Variants in MRPS6 observed in about 807,000 individuals in gnomAD.
MRPS6 encodes the protein mitochondrial ribosomal protein S6, also known as small ribosomal subunit protein bS6m.
A neutral mutation model predicts 13.1 loss-of-function variants in MRPS6; 6 were observed. The observed-to-expected ratio is 0.46, with a 90% CI of 0.25 to 0.91. The LOEUF (loss-of-function observed/expected upper bound fraction) is 0.91, where lower values mean the gene tolerates loss of function less well. Among genes scored for constraint, MRPS6 ranks in the 40% least tolerant of loss-of-function variants. The probability of loss-of-function intolerance (pLI) is 0.18; values close to 1 mark genes in which losing one functional copy is unlikely to be tolerated. For synonymous variants in MRPS6, 61 were observed against 56.5 expected (o/e 1.08, Z -0.36); for missense variants, 164 against 155.6 (o/e 1.05, Z -0.29).
At chr21:34,078,370 C>T (rs1989383145) in intron 1 of MRPS6, among the ~76,000 whole-genome samples, 1 of 152,028 alleles carries the variant, frequency 6.6e-6, no homozygotes, top group African/African-American at 2.4e-5. Context: ...TGTTCCTGCC[C>T]CTGAGCTACA....
intron 1 of MRPS6, among the ~76,000 whole-genome samples, chr21:34,093,214 G>A (rs1978795712): frequency 1.3e-5 from 2 of 151,302 alleles, no homozygotes; most frequent in African/African-American, 4.9e-5. Context: ...CAGGTATGAA[G>A]TGATACAAAC....
chr21:34,120,617 T>G (rs1234691846), intron 1 of MRPS6, among the ~76,000 whole-genome samples: 1 of 152,200 alleles, frequency 6.6e-6, no homozygotes, highest in Non-Finnish European at 1.5e-5. Flanking sequence ...AGTATTATAC[T>G]ATTTCGTTAA....
intron 1 of MRPS6, chr21:34,105,668 G>C: frequency 4.0e-6 from 4 of 997,350 alleles, no homozygotes; most frequent in Non-Finnish European, 4.8e-6. Flanking sequence ...AAATGAAGTT[G>C]ATGAACATTA....
intron 1 of MRPS6, chr21:34,098,242 A>G (rs1979063468): frequency 1.0e-6 from 1 of 999,556 alleles, no homozygotes; most frequent in African/African-American, 1.7e-5. Flanking sequence ...ATATTCTGCT[A>G]ATTTTCTAGC....
intron 1 of MRPS6, chr21:34,122,999 A>G (rs756895045): frequency 2.0e-5 from 3 of 152,186 alleles, no homozygotes; most frequent in Non-Finnish European, 4.4e-5. Flanking sequence ...CTTTTTACCT[A>G]CTGTTAATGG....
chr21:34,091,906 A>G (rs1049016194), intron 1 of MRPS6, among the ~76,000 whole-genome samples: 2 of 132,138 alleles, frequency 1.5e-5, no homozygotes, highest in Non-Finnish European at 3.2e-5. Context: ...CATGCTTTTC[A>G]TAACTATACC....
At chr21:34,135,091 A>T (rs1482481773) in intron 2 of MRPS6, among the ~76,000 whole-genome samples, 1 of 151,974 alleles carries the variant, frequency 6.6e-6, no homozygotes, top group Non-Finnish European at 1.5e-5. Context: ...TTATTTTGAG[A>T]TCAATAGTGT....
intron 1 of MRPS6, among the ~76,000 whole-genome samples, chr21:34,112,816 T>G (rs781567731): frequency 2.0e-5 from 3 of 152,154 alleles, no homozygotes; most frequent in Non-Finnish European, 2.9e-5. Context: ...GTATTTGTCT[T>G]TCTTTGCCTG....
At chr21:34,105,174 A>G in intron 1 of MRPS6, 2 of 1,000,130 alleles carry the variant, frequency 2.0e-6, no homozygotes, top group Non-Finnish European at 2.4e-6. Context: ...TTACTGCTTC[A>G]GTTTATAGAT....
At chr21:34,098,877 ACTTT>A in intron 1 of MRPS6, 1 of 999,530 alleles carries the variant, frequency 1.0e-6, no homozygotes, top group Non-Finnish European at 1.2e-6. Context: ...TTATGTATGT[ACTTT>A]CTTTGACCTT....
chr21:34,127,761 A>C (rs972173758), intron 2 of MRPS6, among the ~76,000 whole-genome samples: 1 of 152,244 alleles, frequency 6.6e-6, no homozygotes, highest in Admixed American at 6.5e-5. Context: ...TCATTTGGCA[A>C]ATTCTTTATG....
chr21:34,120,828 A>G (rs1001649299), intron 1 of MRPS6, among the ~76,000 whole-genome samples: 1 of 152,202 alleles, frequency 6.6e-6, no homozygotes, highest in African/African-American at 2.4e-5. Flanking sequence ...AGTAAATGGG[A>G]AAACATTAGT....
chr21:34,082,594 ATAG>A (rs1989483790), intron 1 of MRPS6, among the ~76,000 whole-genome samples: 1 of 152,200 alleles, frequency 6.6e-6, no homozygotes, highest in Non-Finnish European at 1.5e-5. Flanking sequence ...TCCCTGGAAA[ATAG>A]TATTACCATG....
intron 1 of MRPS6, among the ~76,000 whole-genome samples, chr21:34,084,546 A>T (rs948445062): frequency 5.3e-5 from 8 of 152,154 alleles, no homozygotes; most frequent in African/African-American, 1.7e-4. Flanking sequence ...AGGTGTGTAT[A>T]TGTATTTAGG....
intron 2 of MRPS6, among the ~76,000 whole-genome samples, chr21:34,131,392 G>C (rs1980497583): frequency 6.6e-6 from 1 of 152,160 alleles, no homozygotes; most frequent in Admixed American, 6.5e-5. Flanking sequence ...GAGGAAGTTG[G>C]GGCAGAGGGC....
Position 34,096,452 on chromosome 21 carries a change from G to A in MRPS6, c.45+22707G>A. 1 of 1,614,216 alleles carries A rather than the reference G, an allele frequency of 6.2e-7. No homozygotes were observed. Among genetic ancestry groups the A allele is most frequent in the Non-Finnish European group, 8.5e-7 (1 of 1,180,036 alleles). On this transcript the variant is annotated intron_variant, in intron 1 of 2. Transcript: ENST00000399312. This position sits in a 1 kb window ranked among gnomAD's most constrained non-coding sequence, Gnocchi z 5.9. ...TGGGGAGGATATTTGTGGCATTTAT[G>A]GTGGTGATCAGCATAGCATGGGTGC...
At chr21:34,083,258 C>T (rs1281175171) in intron 1 of MRPS6, among the ~76,000 whole-genome samples, 1 of 152,194 alleles carries the variant, frequency 6.6e-6, no homozygotes, top group African/African-American at 2.4e-5. Flanking sequence ...TGCATTTCAG[C>T]TGCTGGGAAG....
rs763718792 is a variant in MRPS6 at position 34,097,287 on chromosome 21, A to G, written c.45+23542A>G. 1.7e-5 allele frequency: 28 copies of G among 1,612,570 alleles called. No individual in the cohort carries two copies. In the South Asian group the frequency reaches 3.0e-4, roughly 17 times the overall value. The stretch of plus-strand genomic sequence containing the variant: ...AGAAGAGACTCGGCAAGTTAAAGTA[A>G]TACTAAATATTGGACTTTTTGCTGT... On this transcript the variant is annotated intron_variant, in intron 1 of 2. Transcript: ENST00000399312.
At chr21:34,104,606 C>T in intron 1 of MRPS6, 1 of 1,000,090 alleles carries the variant, frequency 1.0e-6, no homozygotes, top group Non-Finnish European at 1.2e-6. Flanking sequence ...TTAACCTGAA[C>T]ACTTTGAGGG....
Sources: allele counts gnomAD v4.1 joint callset (sites outside exome capture counted in the v4.1 genomes callset), GRCh38; gene constraint gnomAD v4.1.1; non-coding constraint Gnocchi (gnomAD v3.1); transcripts MANE v1.5; gene names NCBI Gene and HGNC (gene_info 2026-07-23, HGNC 2026-07-21).